The following ERAP1 variants were observed in gnomAD, a reference collection of about 807,000 sequenced individuals.
ERAP1 encodes adipocyte-derived leucine aminopeptidase.
ERAP1 carries 86 observed loss-of-function variants against 103.7 expected under a neutral mutation model. The ratio of observed to expected loss-of-function variants is 0.83; its 90% CI spans 0.70 to 0.99. ERAP1 has a LOEUF of 0.99. Ranked by LOEUF, ERAP1 falls within the 50% of genes least tolerant of loss-of-function variation. The pLI is 0.00. For missense variants in ERAP1, 1,009 were observed against 1,128.4 expected (o/e 0.89, Z 1.52); for synonymous variants, 398 against 402.4 (o/e 0.99, Z 0.13).
At chr5:96,795,331 A>G (rs1231596959) in intron 4 of ERAP1, among the ~76,000 whole-genome samples, 169 bp from the exon 5 acceptor site, 2 of 152,216 alleles carry the variant, frequency 1.3e-5, no homozygotes, top group Admixed American at 1.3e-4. Flanking sequence ...TTCCTGATTA[A>G]TCCCCCTTCT....
chr5:96,817,733 C>G, the ERAP1 span, among the ~76,000 whole-genome samples: 320 of 152,336 alleles, frequency 2.1e-3, 2 homozygotes, highest in African/African-American at 6.9e-3. Context: ...GCCACAATTG[C>G]TGGCTCCAGA....
chr5:96,846,739 C>A, the ERAP1 span, among the ~76,000 whole-genome samples: 1 of 151,808 alleles, frequency 6.6e-6, no homozygotes, highest in Admixed American at 6.6e-5. Flanking sequence ...TCTCCACCAT[C>A]CATTCAACCA....
the ERAP1 span, among the ~76,000 whole-genome samples, chr5:96,827,941 C>T: frequency 0.059 from 9,052 of 152,162 alleles, 387 homozygotes; most frequent in Middle Eastern, 0.14. Flanking sequence ...AATTTAAACT[C>T]GAATTTATTA....
chr5:96,827,402 C>T, the ERAP1 span, among the ~76,000 whole-genome samples: 3,398 of 152,334 alleles, frequency 0.022, 124 homozygotes, highest in African/African-American at 0.078. Flanking sequence ...TGGCTCACGC[C>T]TATAATCCCA....
At chr5:96,804,497 T>A (rs1162373589) in intron 1 of ERAP1, 1 of 169,916 alleles carries the variant, frequency 5.9e-6, no homozygotes, top group East Asian at 1.6e-4. Context: ...GTATATGTAA[T>A]GGTAACCTTT....
At chr5:96,770,129 T>C (rs1489411397), downstream of ERAP1, 1 of 168,566 alleles carries the variant, frequency 5.9e-6, no homozygotes, top group Non-Finnish European at 1.3e-5. Context: ...TTAATTTCTT[T>C]AGGAACCTAT....
chr5:96,873,906 C>CA, the ERAP1 span, among the ~76,000 whole-genome samples: 3 of 151,750 alleles, frequency 2.0e-5, no homozygotes, highest in Non-Finnish European at 4.4e-5. Context: ...TAAGAAGAAA[C>CA]AAAAAGCAGG....
the ERAP1 span, among the ~76,000 whole-genome samples, chr5:96,887,035 A>G: frequency 2.0e-5 from 3 of 149,536 alleles, no homozygotes; most frequent in Middle Eastern, 6.9e-3. Context: ...ACATAGTAAC[A>G]GTATTTACTT....
the ERAP1 span, among the ~76,000 whole-genome samples, chr5:96,903,065 G>T: frequency 6.6e-6 from 1 of 152,126 alleles, no homozygotes; most frequent in Non-Finnish European, 1.5e-5. Flanking sequence ...ATCAAATTAA[G>T]CCAAATTCCC....
chr5:96,821,564 A>G, the ERAP1 span, among the ~76,000 whole-genome samples: 2 of 152,298 alleles, frequency 1.3e-5, no homozygotes, highest in East Asian at 1.9e-4. Context: ...TCCTTTATCT[A>G]TGACCAGGTA....
chr5:96,906,745 C>T, the ERAP1 span, among the ~76,000 whole-genome samples: 1 of 152,134 alleles, frequency 6.6e-6, no homozygotes, highest in Non-Finnish European at 1.5e-5. Flanking sequence ...AAAGAGAAAA[C>T]CCCACATTGG....
chr5:96,786,356 T>C, intron 12 of ERAP1, 114 bp downstream of exon 12: 1 of 740,196 alleles, frequency 1.4e-6, no homozygotes, highest in South Asian at 1.6e-5. Flanking sequence ...GAAAGCATTT[T>C]CAATCTGATC....
chr5:96,833,557 A>T, the ERAP1 span, among the ~76,000 whole-genome samples: 2 of 152,242 alleles, frequency 1.3e-5, no homozygotes, highest in African/African-American at 2.4e-5. Context: ...TCTCCTATAT[A>T]CAGATCACTA....
intron 15 of ERAP1, among the ~76,000 whole-genome samples, chr5:96,782,218 C>T (rs538034789): frequency 3.3e-5 from 5 of 152,092 alleles, no homozygotes; most frequent in African/African-American, 9.6e-5. Flanking sequence ...ACCGTCTTAG[C>T]CAGGATGGTC....
chr5:96,855,263 AT>A, the ERAP1 span, among the ~76,000 whole-genome samples: 601 of 152,324 alleles, frequency 3.9e-3, 8 homozygotes, highest in African/African-American at 0.014. Flanking sequence ...ATGACAACAA[AT>A]GTAACCCTTA....
the ERAP1 span, chr5:96,902,395 T>C: frequency 8.0e-7 from 1 of 1,248,404 alleles, no homozygotes; most frequent in South Asian, 1.2e-5. Context: ...AATGTGGAAA[T>C]TAAACATGTG....
chr5:96,849,387 A>C, the ERAP1 span, among the ~76,000 whole-genome samples: 2 of 152,204 alleles, frequency 1.3e-5, no homozygotes, highest in Non-Finnish European at 2.9e-5. Context: ...CCACTAAAAA[A>C]CTGTTAGAAC....
chr5:96,886,623 C>T, the ERAP1 span: 1 of 1,464,916 alleles, frequency 6.8e-7, no homozygotes, highest in Non-Finnish European at 9.2e-7. Context: ...CTCCAGTTTT[C>T]AAGTACTGAT....
intron 1 of ERAP1, 39 bp from the exon 2 acceptor site, chr5:96,803,982 T>A: frequency 1.3e-6 from 2 of 1,582,992 alleles, no homozygotes; most frequent in Non-Finnish European, 1.7e-6. Flanking sequence ...ATATATGTCA[T>A]TAAAATGTTA....
Sources: gnomAD v4.1 joint callset for allele counts (sites outside exome capture counted in the v4.1 genomes callset) on GRCh38, gnomAD v4.1.1 for gene constraint, MANE v1.5 for transcripts, NCBI Gene and HGNC (gene_info 2026-07-23, HGNC 2026-07-21) for gene names.